Variants in ASIC1 observed in about 807,000 individuals in gnomAD.
The protein encoded by ASIC1 is acid-sensing ion channel 1.
ASIC1 carries 21 observed loss-of-function variants against 63.4 expected under a neutral mutation model. That is an observed-to-expected ratio of 0.33 (90% confidence interval 0.23 to 0.48). The LOEUF (loss-of-function observed/expected upper bound fraction) is 0.48, where lower values mean the gene tolerates loss of function less well. Ranked by LOEUF, ASIC1 falls within the 20% of genes least tolerant of loss-of-function variation. The probability of loss-of-function intolerance (pLI) is 0.99; values close to 1 mark genes in which losing one functional copy is unlikely to be tolerated. For synonymous variants in ASIC1, 258 were observed against 278.2 expected, an observed-to-expected ratio of 0.93 and a Z score of 0.72; for missense variants, 478 against 695.5, an observed-to-expected ratio of 0.69 and a Z score of 3.52.
In ASIC1 at chr12:50,078,765, G is replaced by T. The variant is rs980487957; in HGVS notation, c.995-159G>T. 151 of 1,305,978 alleles carry T rather than the reference G, an allele frequency of 1.2e-4. No homozygotes were observed. Among genetic ancestry groups the T allele is most frequent in the Non-Finnish European group, 1.5e-4 (137 of 911,184 alleles). The allele number at this position is 1,305,978 out of a possible 1,614,324, so 80.9% of individuals were successfully genotyped here. On this transcript the variant is annotated intron_variant, in intron 6 of 11. Transcript: ENST00000447966. This position sits in a 1 kb window ranked among gnomAD's most constrained non-coding sequence, Gnocchi z 6.0. Reference sequence around the variant, plus strand: ...GGGATGGGTGGGAAGGGTCTAGAAGGTATGGACCTGGAGTGGGTCACTTCT... The same window carrying T: ...GGGATGGGTGGGAAGGGTCTAGAAGTTATGGACCTGGAGTGGGTCACTTCT...
chr12:50,065,144 C>G (rs922732527), intron 3 of ASIC1, among the ~76,000 whole-genome samples: 1 of 152,186 alleles, frequency 6.6e-6, no homozygotes, highest in African/African-American at 2.4e-5. Flanking sequence ...CAATTCTCTC[C>G]GGCCATTCTT....
At chr12:50,073,654 A>T in intron 3 of ASIC1, 1 of 1,536,246 alleles carries the variant, frequency 6.5e-7, no homozygotes, top group Non-Finnish European at 8.7e-7. Flanking sequence ...CTTGGGAGAT[A>T]TTTGGGGTCC....
rs1361038079 is a variant in ASIC1 at position 50,078,111 on chromosome 12, C to T, written c.821C>T (p.Ala274Val). 1 of 1,613,534 alleles carries T rather than the reference C, an allele frequency of 6.2e-7. No individual in the cohort carries two copies. The highest frequency in any genetic ancestry group is 8.5e-7 in the Non-Finnish European group (1 of 1,179,710). Residue 274 changes from alanine (A) to valine (V), a missense_variant, in exon 5 of 12, where the codon GCC (alanine) becomes GTC (valine). Transcript: ENST00000447966. The surrounding 1 kb of genome is among the most constrained non-coding windows in gnomAD (Gnocchi z 6.0). ...GCCCCAGGCTTCCAGACCTTTGTGG[C>T]CTGCCAGGAGCAGCGGGTGAGAGGG... Reference protein sequence around the residue: ...GVAPGFQTFVACQEQRLIYLP... With the variant: ...GVAPGFQTFVVCQEQRLIYLP...
At chr12:50,067,312 G>A (rs919164815) in intron 3 of ASIC1, among the ~76,000 whole-genome samples, 2 of 151,834 alleles carry the variant, frequency 1.3e-5, no homozygotes, top group Admixed American at 1.3e-4. Context: ...TAAGGCCAGT[G>A]GTCACCTTCA....
chr12:50,074,136 GC>G lies in ASIC1; in HGVS notation c.559-3074del. ...CGGGCCCTGAGGCCTTCTCTGGGGAGCCCTTTAACCTGCACCGCTTCTACAA... is the reference window on the plus strand; with the variant it reads ...CGGGCCCTGAGGCCTTCTCTGGGGAGCCTTTAACCTGCACCGCTTCTACAA... On this transcript the variant is annotated intron_variant, in intron 3 of 11. Transcript: ENST00000447966. The surrounding 1 kb of genome is among the most constrained non-coding windows in gnomAD (Gnocchi z 4.2). 6.5e-7 allele frequency: 1 copy of G among 1,535,742 alleles called. No individual in the cohort carries two copies. Among genetic ancestry groups the G allele is most frequent in the Non-Finnish European group, 8.7e-7 (1 of 1,146,640 alleles).
chr12:50,069,259 T>A (rs1422110449), intron 3 of ASIC1, among the ~76,000 whole-genome samples: 1 of 57,008 alleles, frequency 1.8e-5, no homozygotes, highest in Non-Finnish European at 4.6e-5. Flanking sequence ...TTTTTTATTT[T>A]ATTTATTTAT....
intron 3 of ASIC1, among the ~76,000 whole-genome samples, chr12:50,076,562 C>T (rs751703178): frequency 1.8e-4 from 27 of 151,844 alleles, no homozygotes; most frequent in Non-Finnish European, 3.1e-4. Context: ...TGGAGGGCCT[C>T]AGGAGCTTGG....
rs1221535857 is a variant in ASIC1 at position 50,074,018 on chromosome 12, G to A, written c.559-3195G>A. 1.0e-5 allele frequency: 16 copies of A among 1,534,886 alleles called. No individual in the cohort carries two copies. The highest frequency in any genetic ancestry group is 2.4e-5 in the South Asian group (2 of 83,956). On this transcript the variant is annotated intron_variant, in intron 3 of 11. Transcript: ENST00000447966. The surrounding 1 kb of genome is among the most constrained non-coding windows in gnomAD (Gnocchi z 4.2). Reference sequence around the variant, plus strand: ...ACCCTCTGCAACACTAATGCTGTGCGGCTGTCCCAGCTCAGCTACCCTGAC... The same window carrying A: ...ACCCTCTGCAACACTAATGCTGTGCAGCTGTCCCAGCTCAGCTACCCTGAC...
intron 8 of ASIC1, 59 bp downstream of exon 8, chr12:50,080,114 T>C (rs1950699482): frequency 1.3e-6 from 2 of 1,533,102 alleles, no homozygotes; most frequent in Middle Eastern, 1.8e-4. Flanking sequence ...AATGGATGAG[T>C]GGGGTTTGAT....
rs1950697431 is a variant in ASIC1, at chr12:50,079,927, G to A, written c.1077G>A (p.Glu359=). 1.2e-6 allele frequency: 2 copies of A among 1,612,420 alleles called. No individual in the cohort carries two copies. The highest frequency in any genetic ancestry group is 2.7e-5 in the African/African-American group (2 of 74,876). Residue 359 remains glutamate (E), a synonymous_variant, in exon 8 of 12, where the codon GAG becomes GAA. Coordinates refer to ENST00000447966, the MANE Select transcript of ASIC1 (RefSeq NM_001095.4). ...ACTTCCTGGTGGAGAAGGACCAGGA[G>A]TACTGCGTGTGTGAAATGCCTTGCA... ...ALDFLVEKDQ[E]YCVCEMPCNL...
chr12:50,078,684 A>C lies in ASIC1; in HGVS notation c.994+107A>C. On this transcript the variant is annotated intron_variant, in intron 6 of 11. Coordinates refer to ENST00000447966, the MANE Select transcript of ASIC1 (RefSeq NM_001095.4). The surrounding 1 kb of genome is among the most constrained non-coding windows in gnomAD (Gnocchi z 6.0). ...CCCAACCCCAGTTCCAGCCCACCCC[A>C]TCCCACACCCACCTGGCTCATGTCT... 2.0e-6 allele frequency: 3 copies of C among 1,506,776 alleles called. No individual in the cohort carries two copies. The highest frequency in any genetic ancestry group is 2.7e-6 in the Non-Finnish European group (3 of 1,102,366). The allele number at this position is 1,506,776 out of a possible 1,614,324, so 93.3% of individuals were successfully genotyped here. A position where few individuals can be genotyped will look rare whatever the true frequency, so the allele number is the denominator to read the frequency against.
intron 3 of ASIC1, among the ~76,000 whole-genome samples, chr12:50,073,208 C>T (rs1950616908): frequency 6.6e-6 from 1 of 152,076 alleles, no homozygotes; most frequent in Non-Finnish European, 1.5e-5. Context: ...GGGTGGGTTC[C>T]AGGAATCCCA....
In ASIC1 at chr12:50,057,646, C is replaced by T. The variant is rs1195698283; in HGVS notation, c.-287C>T. The T allele has an allele frequency of 6.6e-6, 1 of 151,986 alleles. No individual in the cohort carries two copies. The highest frequency in any genetic ancestry group is 1.5e-5 in the Non-Finnish European group (1 of 67,952). 9.4% of individuals were successfully genotyped at this position (151,986 alleles called of 1,614,324 possible). A position where few individuals can be genotyped will look rare whatever the true frequency, so the allele number is the denominator to read the frequency against. On this transcript the variant is annotated 5_prime_UTR_variant, in exon 1 of 12. Transcript: ENST00000447966. This position sits in a 1 kb window ranked among gnomAD's most constrained non-coding sequence, Gnocchi z 4.7. ...GCCGGACGATGGATCCCTGCAGATC[C>T]CAGGGCTGAGAGCACCGCGCACCGC...
chr12:50,065,705 C>A (rs1345204797), intron 3 of ASIC1, among the ~76,000 whole-genome samples: 1 of 152,252 alleles, frequency 6.6e-6, no homozygotes, highest in Non-Finnish European at 1.5e-5. Flanking sequence ...CAATTGTGAT[C>A]TTTCTGAGAT....
intron 1 of ASIC1, among the ~76,000 whole-genome samples, chr12:50,058,483 G>A (rs972903745): frequency 3.9e-5 from 6 of 152,152 alleles, no homozygotes; most frequent in Non-Finnish European, 8.8e-5. Flanking sequence ...CTCAACCTCG[G>A]ATGACTATAT....
Position 50,074,320 on chromosome 12 carries a change from G to A in ASIC1, c.559-2893G>A. The A allele has an allele frequency of 7.0e-7, 1 of 1,425,916 alleles. No homozygotes were observed. The highest frequency in any genetic ancestry group is 1.4e-5 in the African/African-American group (1 of 69,656). 88.3% of individuals were successfully genotyped at this position (1,425,916 alleles called of 1,614,324 possible). ...CTGTCCCTGACTGTCACCTCCTGGG[G>A]TTGGGGCTGGGGCTGGGGCTGGGGC... On this transcript the variant is annotated intron_variant, in intron 3 of 11. Coordinates refer to ENST00000447966, the MANE Select transcript of ASIC1 (RefSeq NM_001095.4). This position sits in a 1 kb window ranked among gnomAD's most constrained non-coding sequence, Gnocchi z 4.2.
chr12:50,077,219 A>T lies in ASIC1; in HGVS notation c.565A>T (p.Thr189Ser). 1 of 1,609,416 alleles carries T rather than the reference A, an allele frequency of 6.2e-7. No individual in the cohort carries two copies. The highest frequency in any genetic ancestry group is 8.5e-7 in the Non-Finnish European group (1 of 1,177,288). Residue 189 changes from threonine to serine, a missense_variant, in exon 4 of 12, where the codon ACA becomes TCA. Physicochemically the swap from Thr to Ser is moderately conservative, Grantham distance 58 (BLOSUM62 1). Around this residue, in one of 3 missense-constraint regions of ASIC1, gnomAD observed 290 missense variants for 414.9 expected, o/e 0.70. Coordinates refer to ENST00000447966, the MANE Select transcript of ASIC1 (RefSeq NM_001095.4). Reference protein sequence around the residue: ...CSAEDFKVVFTRYGKCYTFNS... With the variant: ...CSAEDFKVVFSRYGKCYTFNS... ...TCCACTCTGCCCTCGCCAGGTCTTC[A>T]CACGCTATGGAAAGTGCTACACGTT...
chr12:50,063,601 T>C (rs1950520316), intron 3 of ASIC1, among the ~76,000 whole-genome samples: 1 of 152,074 alleles, frequency 6.6e-6, no homozygotes, highest in South Asian at 2.1e-4. Flanking sequence ...GACCCTGGAT[T>C]GGAGACCAGA....
chr12:50,073,569 G>A, intron 3 of ASIC1: 3 of 1,489,618 alleles, frequency 2.0e-6, no homozygotes, highest in Non-Finnish European at 2.7e-6. Flanking sequence ...CTGGCACCAG[G>A]AAGCCCCTGG....
Sources: gnomAD v4.1 joint callset for allele counts (sites outside exome capture counted in the v4.1 genomes callset) on GRCh38, gnomAD v4.1.1 for gene constraint, gnomAD v4.1.1 regional missense constraint, Gnocchi (gnomAD v3.1) non-coding constraint, MANE v1.5 for transcripts, NCBI Gene and HGNC (gene_info 2026-07-23, HGNC 2026-07-21) for gene names.